GRHL3: variants seen among roughly 807,000 people sequenced by gnomAD.
The protein encoded by GRHL3 is grainyhead-like protein 3 homolog.
GRHL3 carries 20 observed loss-of-function variants against 70.3 expected under a neutral mutation model. The observed-to-expected ratio is 0.28, with a 90% CI of 0.20 to 0.41. The LOEUF (loss-of-function observed/expected upper bound fraction) is 0.41, where lower values mean the gene tolerates loss of function less well. Among genes scored for constraint, GRHL3 ranks in the 10% least tolerant of loss-of-function variants. The pLI is 1.00. For synonymous variants in GRHL3, 299 were observed against 299.9 expected, an observed-to-expected ratio of 1.00 and a Z score of 0.03; for missense variants, 637 against 762.3, an observed-to-expected ratio of 0.84 and a Z score of 1.94.
intron 1 of GRHL3, among the ~76,000 whole-genome samples, chr1:24,325,667 G>A (rs2148647135): frequency 6.6e-6 from 1 of 152,352 alleles, no homozygotes; most frequent in African/African-American, 2.4e-5. Flanking sequence ...GAGGCTGACT[G>A]GGCATGGAGC....
intron 1 of GRHL3, among the ~76,000 whole-genome samples, chr1:24,320,287 T>G (rs567539646): frequency 6.6e-6 from 1 of 152,354 alleles, no homozygotes; most frequent in Admixed American, 6.5e-5. Context: ...TCAGAGGCAG[T>G]TCTAAGGCTG....
At chr1:24,337,432 C>G in intron 5 of GRHL3, 1 of 609,360 alleles carries the variant, frequency 1.6e-6, no homozygotes. Flanking sequence ...TCATTGGGCC[C>G]TCATTATTCA....
chr1:24,338,164 C>T, intron 7 of GRHL3, 61 bp downstream of exon 7: 1 of 1,166,598 alleles, frequency 8.6e-7, no homozygotes, highest in Non-Finnish European at 1.2e-6. Context: ...CCGCATCAAT[C>T]AGGCCTTTTT....
chr1:24,331,477 C>A lies in GRHL3; in HGVS notation c.69C>A (p.Phe23Leu), dbSNP rs1292452067. 6.2e-7 allele frequency: 1 copy of A among 1,613,992 alleles called. No individual in the cohort carries two copies. Among genetic ancestry groups the A allele is most frequent in the Non-Finnish European group, 8.5e-7 (1 of 1,179,926 alleles). Residue 23 changes from phenylalanine to leucine, a missense_variant, in exon 2 of 16, where the codon TTC (phenylalanine) becomes TTA (leucine). By Grantham distance (22) the Phe-to-Leu change is conservative. Around this residue, in one of 2 missense-constraint regions of GRHL3, gnomAD observed 250 missense variants for 248.6 expected, o/e 1.01. Coordinates refer to ENST00000361548, the MANE Select transcript of GRHL3 (RefSeq NM_198173.3). ...ACGACCCAGTCAACTTGCAGAAATT[C>A]TCTTACACTAGTGAGGATGAGGCCT... ...LKNDPVNLQK[F>L]SYTSEDEAWK... is the part of the protein sequence containing the mutation.
downstream of GRHL3, chr1:24,358,230 A>C (rs568678751): frequency 1.7e-6 from 1 of 586,388 alleles, no homozygotes; most frequent in East Asian, 3.8e-5. Flanking sequence ...AGTCTGCGGC[A>C]GGGAGTCGTG....
intron 2 of GRHL3, among the ~76,000 whole-genome samples, chr1:24,332,120 G>A (rs552299223): frequency 2.7e-4 from 41 of 152,130 alleles, no homozygotes; most frequent in African/African-American, 8.9e-4. Flanking sequence ...CCCTGTCCTC[G>A]GATCTTACGT....
Position 24,346,650 on chromosome 1 carries a change from C to T in GRHL3, c.1543+9C>T, listed in dbSNP as rs762726136. 8 of 1,603,848 alleles carry T rather than the reference C, an allele frequency of 5.0e-6. No homozygotes were observed. The South Asian group carries it at 7.7e-5, about 16-fold the overall frequency. On this transcript the variant is annotated intron_variant, in intron 13 of 15. Coordinates refer to ENST00000361548, the MANE Select transcript of GRHL3 (RefSeq NM_198173.3). ...AGGCGACCTTCAGAGAGGTGACCTC[C>T]CGCCCTCCTCATTTACTCACCAGGC...
At chr1:24,359,182 G>A (rs1640923235), downstream of GRHL3, among the ~76,000 whole-genome samples, 1 of 152,230 alleles carries the variant, frequency 6.6e-6, no homozygotes, top group South Asian at 2.1e-4. The surrounding 1 kb of genome is among the most constrained non-coding windows in gnomAD (Gnocchi z 5.3). Flanking sequence ...ACTGGAAGCT[G>A]AGCAGGCAGA....
chr1:24,325,181 C>A (rs1470111285), intron 1 of GRHL3, among the ~76,000 whole-genome samples: 1 of 152,186 alleles, frequency 6.6e-6, no homozygotes, highest in South Asian at 2.1e-4. Flanking sequence ...CCAGCTCAGG[C>A]GGCCCCTGGA....
chr1:24,338,185 C>A, intron 7 of GRHL3, 82 bp downstream of exon 7: 1 of 896,666 alleles, frequency 1.1e-6, no homozygotes. Context: ...CTTACTCACC[C>A]CTGTTTCCCT....
chr1:24,348,935 A>G (rs1469359735), intron 14 of GRHL3, among the ~76,000 whole-genome samples: 1 of 152,232 alleles, frequency 6.6e-6, no homozygotes, highest in African/African-American at 2.4e-5. Flanking sequence ...GCTTCTAGGC[A>G]GCTAGTACTA....
At chr1:24,340,512 G>A (rs1367346473) in intron 8 of GRHL3, among the ~76,000 whole-genome samples, 1 of 152,250 alleles carries the variant, frequency 6.6e-6, no homozygotes, top group Non-Finnish European at 1.5e-5. Context: ...GGGCCTCGCT[G>A]TGTCTTGGTT....
At chr1:24,364,401 C>T (rs576250609) in exon 16 of GRHL3, 26 of 1,510,864 alleles carry the variant, frequency 1.7e-5, no homozygotes, top group Middle Eastern at 1.7e-4. Flanking sequence ...GGTGGAAGGA[C>T]GACGGCAGGT....
At chr1:24,357,915 T>G, downstream of GRHL3, 1 of 324,518 alleles carries the variant, frequency 3.1e-6, no homozygotes, top group Non-Finnish European at 6.1e-6. Flanking sequence ...CAAGATGATC[T>G]CCCACTCCAA....
At chr1:24,346,514 C>T (rs1276472275) in intron 12 of GRHL3, 39 bp from the exon 13 acceptor site, 2 of 1,507,728 alleles carry the variant, frequency 1.3e-6, no homozygotes, top group Non-Finnish European at 1.8e-6. Context: ...CTAGGGGTCC[C>T]CAAGTTTCTC....
chr1:24,329,574 T>C (rs1639525979), intron 1 of GRHL3, among the ~76,000 whole-genome samples: 1 of 152,212 alleles, frequency 6.6e-6, no homozygotes. Context: ...TCTTGGACAT[T>C]TTCTCGTTCT....
chr1:24,356,120 C>T (rs917702534), downstream of GRHL3, among the ~76,000 whole-genome samples: 1 of 151,986 alleles, frequency 6.6e-6, no homozygotes, highest in East Asian at 1.9e-4. Flanking sequence ...AGGCTGGTCT[C>T]GAACTCCTGA....
At chr1:24,351,723 T>A (rs932625363) in intron 15 of GRHL3, among the ~76,000 whole-genome samples, 2 of 152,276 alleles carry the variant, frequency 1.3e-5, no homozygotes, top group East Asian at 3.9e-4. Context: ...CTGGCTGAGT[T>A]GCCAGAGGCT....
In GRHL3 at chr1:24,342,925, G is replaced by A; in HGVS notation, c.1319G>A (p.Gly440Asp). Residue 440 changes from glycine (G) to aspartate (D), a missense_variant, in exon 11 of 16, where the codon GGC becomes GAC. By Grantham distance (94) the Gly-to-Asp change is moderately conservative. Transcript: ENST00000361548. This position sits in a 1 kb window ranked among gnomAD's most constrained non-coding sequence, Gnocchi z 4.8. The part of the protein sequence containing the change: ...VKGCLLSGFR[G>D]NETTYLRPET... ...GGCTGCCTGCTGTCGGGCTTCAGGGGCAATGAGACGACCTACCTTCGGCCA... is the reference window on the plus strand; with the variant it reads ...GGCTGCCTGCTGTCGGGCTTCAGGGACAATGAGACGACCTACCTTCGGCCA... 1 of 1,614,168 alleles carries A rather than the reference G, an allele frequency of 6.2e-7. No individual in the cohort carries two copies. The highest frequency in any genetic ancestry group is 8.5e-7 in the Non-Finnish European group (1 of 1,180,022).
Sources: allele counts gnomAD v4.1 joint callset (sites outside exome capture counted in the v4.1 genomes callset), GRCh38; gene constraint gnomAD v4.1.1; regional missense constraint gnomAD v4.1.1; non-coding constraint Gnocchi (gnomAD v3.1); transcripts MANE v1.5; gene names NCBI Gene and HGNC (gene_info 2026-07-23, HGNC 2026-07-21).